The following CHMP7 variants were observed in gnomAD, a reference collection of about 807,000 sequenced individuals.
The protein encoded by CHMP7 is CHMP family, member 7.
Under a neutral mutation model 53.7 loss-of-function variants are expected in CHMP7, and 15 were observed. That is an observed-to-expected ratio of 0.28 (90% CI 0.19 to 0.43). The LOEUF (loss-of-function observed/expected upper bound fraction) is 0.43, where lower values mean the gene tolerates loss of function less well. Among genes scored for constraint, CHMP7 ranks in the 20% least tolerant of loss-of-function variants. CHMP7 has a pLI of 1.00. For synonymous variants in CHMP7, 261 were observed against 228.0 expected, an observed-to-expected ratio of 1.14 and a Z score of -1.30; for missense variants, 527 against 569.4, an observed-to-expected ratio of 0.93 and a Z score of 0.76.
chr8:23,249,818 G>A (rs1350985832), intron 3 of CHMP7, among the ~76,000 whole-genome samples: 1 of 152,032 alleles, frequency 6.6e-6, no homozygotes, highest in Non-Finnish European at 1.5e-5. Flanking sequence ...CCTGCCTTCT[G>A]CTGCACATGC....
At chr8:23,258,241 G>C in intron 6 of CHMP7, 89 bp from the exon 7 acceptor site, 2 of 1,566,212 alleles carry the variant, frequency 1.3e-6, no homozygotes, top group African/African-American at 1.4e-5. Context: ...GAAGAAAGCT[G>C]GGACATCCTT....
rs558378600 is a variant in CHMP7 at position 23,258,698 on chromosome 8, G to T, written c.961-34G>T. On this transcript the variant is annotated intron_variant, in intron 7 of 10. Coordinates refer to ENST00000397677, the MANE Select transcript of CHMP7 (RefSeq NM_152272.5). Reference sequence around the variant, plus strand: ...ATTGTATGTATTTTGCCAAATGTCTGTCATTTGCACTGATAGCTTTGCTTT... The same window carrying T: ...ATTGTATGTATTTTGCCAAATGTCTTTCATTTGCACTGATAGCTTTGCTTT... The T allele has an allele frequency of 6.8e-5, 101 of 1,485,314 alleles. 2 individuals carry two copies. The South Asian group carries it at 1.1e-3, about 17-fold the overall frequency. The allele number at this position is 1,485,314 out of a possible 1,614,324, so 92.0% of individuals were successfully genotyped here.
intron 6 of CHMP7, 34 bp from the exon 7 acceptor site, chr8:23,258,296 A>G (rs1165359200): frequency 1.9e-6 from 3 of 1,613,778 alleles, no homozygotes; most frequent in Non-Finnish European, 2.5e-6. Flanking sequence ...TGGCTCGCCC[A>G]GTTCAGCACT....
intron 4 of CHMP7, 118 bp downstream of exon 4, chr8:23,255,550 G>A (rs544155332): frequency 2.2e-4 from 181 of 827,416 alleles, no homozygotes; most frequent in African/African-American, 2.0e-3. Flanking sequence ...CGTCAACCAC[G>A]GTCCAAAAAT....
At chr8:23,257,785 T>C (rs1802198770) in intron 5 of CHMP7, among the ~76,000 whole-genome samples, 1 of 152,230 alleles carries the variant, frequency 6.6e-6, no homozygotes, top group Admixed American at 6.5e-5. Context: ...GTGCCCTGTT[T>C]GCATGTTCTG....
chr8:23,247,050 G>A (rs1009710386), intron 2 of CHMP7, 56 bp downstream of exon 2: 3 of 1,441,994 alleles, frequency 2.1e-6, no homozygotes, highest in Non-Finnish European at 1.8e-6. Flanking sequence ...GCTCTCGGAG[G>A]GCCGGGCCCT....
intron 9 of CHMP7, 60 bp downstream of exon 9, chr8:23,259,186 TGAGAC>T (rs1802274675): frequency 1.4e-6 from 1 of 702,992 alleles, no homozygotes; most frequent in South Asian, 1.9e-5. Context: ...TTTTTTTTTT[TGAGAC>T]GGAGTCTCGC....
intron 4 of CHMP7, among the ~76,000 whole-genome samples, chr8:23,256,067 CTTAATAAT>C (rs1802113580): frequency 6.6e-6 from 1 of 152,128 alleles, no homozygotes; most frequent in African/African-American, 2.4e-5. Context: ...GCCTATTATA[CTTAATAAT>C]GGCCCCAAAG....
intron 5 of CHMP7, among the ~76,000 whole-genome samples, chr8:23,256,945 A>G (rs1802157840): frequency 6.6e-6 from 1 of 151,858 alleles, no homozygotes; most frequent in Non-Finnish European, 1.5e-5. Flanking sequence ...GCCACCCGCC[A>G]CCACGCCTGG....
intron 2 of CHMP7, among the ~76,000 whole-genome samples, chr8:23,247,533 C>T (rs1318091916): frequency 6.6e-6 from 1 of 152,158 alleles, no homozygotes; most frequent in Non-Finnish European, 1.5e-5. Flanking sequence ...TGCTGAGTAT[C>T]TGAGTGCCCT....
intron 1 of CHMP7, among the ~76,000 whole-genome samples, chr8:23,244,343 A>T (rs1380977666): frequency 6.6e-6 from 1 of 151,916 alleles, no homozygotes; most frequent in Non-Finnish European, 1.5e-5. Flanking sequence ...CTGTACCTGG[A>T]TTTGTTTTTG....
intron 2 of CHMP7, among the ~76,000 whole-genome samples, chr8:23,247,449 A>C (rs1429299092): frequency 6.6e-6 from 1 of 152,230 alleles, no homozygotes; most frequent in Non-Finnish European, 1.5e-5. Flanking sequence ...AACCCCTGGC[A>C]CAGCTCATTC....
At chr8:23,246,001 C>G (rs1022917247) in intron 1 of CHMP7, 3 of 152,016 alleles carry the variant, frequency 2.0e-5, no homozygotes, top group Admixed American at 1.3e-4. Flanking sequence ...TGTTTTTTCT[C>G]TTTGTTAGCC....
Position 23,246,426 on chromosome 8 carries a change from C to A in CHMP7, c.-270C>A. On this transcript the variant is annotated 5_prime_UTR_variant, in exon 2 of 11. Transcript: ENST00000397677. ...AGCCACCTGCCGCGCAGGCGCAAGC[C>A]TTTCTTTCGGCACAAAGACCGTGGG... 2.0e-6 allele frequency: 1 copy of A among 501,538 alleles called. No homozygotes were observed. Among genetic ancestry groups the A allele is most frequent in the Non-Finnish European group, 3.5e-6 (1 of 282,050 alleles). 31.1% of individuals were successfully genotyped at this position (501,538 alleles called of 1,614,324 possible).
chr8:23,253,523 G>C (rs930259923), intron 3 of CHMP7, among the ~76,000 whole-genome samples: 10 of 152,164 alleles, frequency 6.6e-5, no homozygotes, highest in Non-Finnish European at 1.5e-4. Flanking sequence ...CTGATCTCAG[G>C]TGATCCACCC....
chr8:23,250,109 G>A (rs1012377961), intron 3 of CHMP7, among the ~76,000 whole-genome samples: 4 of 152,198 alleles, frequency 2.6e-5, no homozygotes, highest in Admixed American at 2.6e-4. Context: ...CCAGCTGTGG[G>A]AGGCCCTCGG....
intron 4 of CHMP7, among the ~76,000 whole-genome samples, chr8:23,256,011 C>T (rs1420702495): frequency 1.3e-5 from 2 of 152,046 alleles, no homozygotes; most frequent in Admixed American, 6.5e-5. Flanking sequence ...CTGCCTGCCT[C>T]GGCCTCCCAA....
rs761697485 is a variant in CHMP7 at position 23,255,369 on chromosome 8, C to T, written c.594C>T (p.Tyr198=). The change falls in exon 4 of 11, where the codon TAC becomes TAT. Residue 198 remains tyrosine (Y), a synonymous_variant. Coordinates refer to ENST00000397677, the MANE Select transcript of CHMP7 (RefSeq NM_152272.5). ...ANSCPDERTF[Y]LVLLQLQKEK... The stretch of plus-strand genomic sequence containing the variant: ...CCTGCCCAGATGAGAGGACCTTCTA[C>T]TTGGTGTTGCTGCAGCTGCAGAAGG... The T allele has an allele frequency of 6.2e-7, 1 of 1,614,184 alleles. No individual in the cohort carries two copies. The highest frequency in any genetic ancestry group is 8.5e-7 in the Non-Finnish European group (1 of 1,180,036).
At chr8:23,250,014 C>G (rs116505823) in intron 3 of CHMP7, among the ~76,000 whole-genome samples, 1 of 152,168 alleles carries the variant, frequency 6.6e-6, no homozygotes, top group Admixed American at 6.5e-5. Flanking sequence ...CCAGCAGATC[C>G]GTAGCCCTCG....
Sources: gnomAD v4.1 joint callset for allele counts (sites outside exome capture counted in the v4.1 genomes callset) on GRCh38, gnomAD v4.1.1 for gene constraint, MANE v1.5 for transcripts, NCBI Gene and HGNC (gene_info 2026-07-23, HGNC 2026-07-21) for gene names.